Variants in TMEM132B observed in about 807,000 individuals in gnomAD.
TMEM132B encodes transmembrane protein 132B.
Under a neutral mutation model 90.8 loss-of-function variants are expected in TMEM132B, and 18 were observed. The observed-to-expected ratio is 0.20, with a 90% CI of 0.14 to 0.29. The LOEUF is 0.29. Ranked by LOEUF, TMEM132B falls within the 10% of genes least tolerant of loss-of-function variation. The probability of loss-of-function intolerance (pLI) is 1.00; values close to 1 mark genes in which losing one functional copy is unlikely to be tolerated. For synonymous variants in TMEM132B, 504 were observed against 523.3 expected (o/e 0.96, Z 0.50); for missense variants, 1,096 against 1,326.8 (o/e 0.83, Z 2.70).
At chr12:125,637,463 G>A (rs953154134) in intron 5 of TMEM132B, among the ~76,000 whole-genome samples, 2 of 152,184 alleles carry the variant, frequency 1.3e-5, no homozygotes, top group African/African-American at 2.4e-5. Flanking sequence ...TGTGCCCAAG[G>A]TGGTAGGGCA....
In TMEM132B at chr12:125,359,481, TA is replaced by T. The variant is rs1237412884; in HGVS notation, c.959+9147del. 5.3e-5 allele frequency among the ~76,000 whole-genome samples: 8 copies of T among 150,986 alleles called. No individual in the cohort carries two copies. The South Asian group carries it at 6.3e-4, about 12-fold the overall frequency. ...TCAAAAAAACCCCAGATCATATTAG[TA>T]AAAAAAAAGATATGATCCAAATAGT... is the stretch of plus-strand genomic sequence containing the variant. On this transcript the variant is annotated intron_variant, in intron 2 of 8. Transcript: ENST00000682704.
At chr12:125,305,655 A>G (rs981993642) in intron 1 of TMEM132B, among the ~76,000 whole-genome samples, 1 of 152,346 alleles carries the variant, frequency 6.6e-6, no homozygotes, top group East Asian at 1.9e-4. Context: ...AATCTGGGAC[A>G]GGTAATGGAA....
chr12:125,262,408 C>G lies in TMEM132B; in HGVS notation c.67+75542C>G, dbSNP rs536324937. Among the ~76,000 whole-genome samples the G allele has an allele frequency of 1.5e-4, 23 of 152,226 alleles. No homozygotes were observed. The South Asian group carries it at 4.8e-3, about 32-fold the overall frequency. On this transcript the variant is annotated intron_variant, in intron 1 of 8. Coordinates refer to ENST00000682704, the MANE Select transcript of TMEM132B (RefSeq NM_001366854.1). ...AGGGGCCAACATAAAAAAAAATGGA[C>G]TATTGCTCATAAATAGCTGTATTTT... is the stretch of plus-strand genomic sequence containing the variant.
chr12:125,247,857 C>A (rs939080093), intron 1 of TMEM132B, among the ~76,000 whole-genome samples: 6 of 152,190 alleles, frequency 3.9e-5, no homozygotes, highest in African/African-American at 7.2e-5. Flanking sequence ...AGGGACTACT[C>A]CTTGCTGTCT....
intron 1 of TMEM132B, among the ~76,000 whole-genome samples, chr12:125,281,836 G>A (rs1235164923): frequency 1.3e-5 from 2 of 151,812 alleles, no homozygotes; most frequent in Non-Finnish European, 2.9e-5. Context: ...AGACCATTCT[G>A]GCTAACACGG....
chr12:125,580,926 C>G (rs368270158), intron 4 of TMEM132B, among the ~76,000 whole-genome samples: 1 of 151,984 alleles, frequency 6.6e-6, no homozygotes. Flanking sequence ...GATCAGGGGA[C>G]GATTTCAATG....
At chr12:125,409,626 TGGAGTGGAGTGGA>T (rs368202175) in intron 2 of TMEM132B, among the ~76,000 whole-genome samples, 24 of 31,424 alleles carry the variant, frequency 7.6e-4, no homozygotes, top group Admixed American at 1.2e-3. Context: ...AGTGGAGGAG[TGGAGTGGAGTGGA>T]GGAGTGGAGT....
chr12:125,208,722 G>T (rs146704523), intron 1 of TMEM132B, among the ~76,000 whole-genome samples: 39 of 152,304 alleles, frequency 2.6e-4, no homozygotes, highest in African/African-American at 8.2e-4. Context: ...CCTTTGGTGG[G>T]GGTCTGTTTC....
At chr12:125,323,063 C>T (rs1157385202) in intron 1 of TMEM132B, among the ~76,000 whole-genome samples, 1 of 152,110 alleles carries the variant, frequency 6.6e-6, no homozygotes, top group East Asian at 1.9e-4. Context: ...TTCCACATTC[C>T]ATCGTGTGCC....
intron 1 of TMEM132B, among the ~76,000 whole-genome samples, chr12:125,313,885 C>T (rs12366690): frequency 0.11 from 16,214 of 150,980 alleles, 1,885 homozygotes; most frequent in African/African-American, 0.29. Context: ...GCACCGGGCC[C>T]CGCATATGAC....
At chr12:125,567,351 C>A (rs902607782) in intron 4 of TMEM132B, among the ~76,000 whole-genome samples, 5 of 152,124 alleles carry the variant, frequency 3.3e-5, no homozygotes, top group African/African-American at 1.2e-4. Flanking sequence ...CTCTTTCTCT[C>A]TCTTTAGGAC....
intron 3 of TMEM132B, among the ~76,000 whole-genome samples, chr12:125,475,814 T>G (rs1263818828): frequency 6.6e-6 from 1 of 152,226 alleles, no homozygotes; most frequent in Non-Finnish European, 1.5e-5. Context: ...GGCCAATTCT[T>G]CCTATACCTT....
chr12:125,539,632 A>C (rs879220353), intron 4 of TMEM132B, among the ~76,000 whole-genome samples: 1 of 152,176 alleles, frequency 6.6e-6, no homozygotes, highest in African/African-American at 2.4e-5. Context: ...TTTTGAGTGA[A>C]CTTTGACATG....
intron 3 of TMEM132B, among the ~76,000 whole-genome samples, chr12:125,439,181 G>T (rs993570124): frequency 6.6e-6 from 1 of 151,570 alleles, no homozygotes; most frequent in East Asian, 1.9e-4. Flanking sequence ...TTTTAAAATG[G>T]TTTTTTCTAG....
At position 125,251,855 on chromosome 12, in the gene TMEM132B, G is replaced by C. The variant is rs111342759; in HGVS notation, c.67+64989G>C. Among the ~76,000 whole-genome samples the C allele has an allele frequency of 1.4e-3, 206 of 152,216 alleles. No homozygotes were observed. Among genetic ancestry groups the C allele is most frequent in the African/African-American group, 4.8e-3 (201 of 41,526 alleles). On this transcript the variant is annotated intron_variant, in intron 1 of 8. Transcript: ENST00000682704. This position sits in a 1 kb window ranked among gnomAD's most constrained non-coding sequence, Gnocchi z 4.4. Reference sequence around the variant, plus strand: ...TAATAATCATAATTTTAAAAATATCGGGTGGTCAAAACAAAGCAAAAGAAC... The same window carrying C: ...TAATAATCATAATTTTAAAAATATCCGGTGGTCAAAACAAAGCAAAAGAAC...
intron 4 of TMEM132B, among the ~76,000 whole-genome samples, chr12:125,536,833 G>T (rs899244163): frequency 4.0e-5 from 6 of 149,384 alleles, no homozygotes; most frequent in Admixed American, 3.3e-4. Context: ...CTGTCATTAG[G>T]TTAAGGATGT....
rs143122077 is a variant in TMEM132B at position 125,240,575 on chromosome 12, C to T, written c.67+53709C>T. On this transcript the variant is annotated intron_variant, in intron 1 of 8. Coordinates refer to ENST00000682704, the MANE Select transcript of TMEM132B (RefSeq NM_001366854.1). ...GAGGGTAGGAATGAGTCCCAGATACCCCAGCATTGACCTCTTGGTTCAAGC... is the reference window on the plus strand; with the variant it reads ...GAGGGTAGGAATGAGTCCCAGATACTCCAGCATTGACCTCTTGGTTCAAGC... 2.0e-3 allele frequency among the ~76,000 whole-genome samples: 310 copies of T among 152,142 alleles called. 2 individuals are homozygous for T. Among genetic ancestry groups the T allele is most frequent in the African/African-American group, 7.2e-3 (299 of 41,488 alleles).
chr12:125,500,718 G>A (rs1289552540), intron 3 of TMEM132B, among the ~76,000 whole-genome samples: 1 of 152,206 alleles, frequency 6.6e-6, no homozygotes, highest in East Asian at 1.9e-4. Context: ...TGAATGGCTT[G>A]AGGGGCTGTG....
At chr12:125,188,866 A>AAAAG (rs1555230829) in intron 1 of TMEM132B, among the ~76,000 whole-genome samples, 12 of 150,012 alleles carry the variant, frequency 8.0e-5, no homozygotes, top group African/African-American at 2.5e-4. Flanking sequence ...AAAAAAAAAA[A>AAAAG]AAAAAAAGAA....
Sources: allele counts gnomAD v4.1 joint callset (sites outside exome capture counted in the v4.1 genomes callset), GRCh38; gene constraint gnomAD v4.1.1; non-coding constraint Gnocchi (gnomAD v3.1); transcripts MANE v1.5; gene names NCBI Gene and HGNC (gene_info 2026-07-23, HGNC 2026-07-21).